Variants in COX7B2 observed in about 807,000 individuals in gnomAD.
COX7B2 encodes cytochrome c oxidase subunit 7B2, mitochondrial.
For missense variants in COX7B2, 109 were observed against 95.9 expected, an observed-to-expected ratio of 1.14 and a Z score of -0.57; for synonymous variants, 37 against 32.1, an observed-to-expected ratio of 1.15 and a Z score of -0.51.
chr4:46,847,934 G>T (rs1007899179), intron 1 of COX7B2, among the ~76,000 whole-genome samples: 1 of 151,974 alleles, frequency 6.6e-6, no homozygotes, highest in Non-Finnish European at 1.5e-5. Context: ...AGCAGAAGGT[G>T]GTAAGAGGCA....
chr4:46,897,218 GCT>G (rs201920947), intron 1 of COX7B2, among the ~76,000 whole-genome samples: 1,834 of 152,154 alleles, frequency 0.012, 35 homozygotes, highest in African/African-American at 0.042. Context: ...CAGGCCACAG[GCT>G]CTGTCATGAA....
chr4:46,843,740 T>C (rs1227261302), intron 2 of COX7B2, among the ~76,000 whole-genome samples: 1 of 151,974 alleles, frequency 6.6e-6, no homozygotes, highest in Non-Finnish European at 1.5e-5. Flanking sequence ...GATAATATAG[T>C]CTGAAGAAGA....
chr4:46,854,822 G>A (rs879458322), intron 1 of COX7B2, among the ~76,000 whole-genome samples: 1 of 151,988 alleles, frequency 6.6e-6, no homozygotes, highest in Non-Finnish European at 1.5e-5. Flanking sequence ...AAAAATTAAT[G>A]ACTTGAAAAG....
Position 46,870,328 on chromosome 4 carries a change from A to AG in COX7B2, c.-104-25315_-104-25314insC, listed in dbSNP as rs200107695. On this transcript the variant is annotated intron_variant, in intron 1 of 2. Transcript: ENST00000355591. Reference sequence around the variant, plus strand: ...CTCAACAAACTAGATATTGAAAAAAAAAATAACTCAAAATAAGGAGGCATC... The same window carrying AG: ...CTCAACAAACTAGATATTGAAAAAAAGAAATAACTCAAAATAAGGAGGCATC... Among the ~76,000 whole-genome samples the AG allele has an allele frequency of 9.6e-3, 1,186 of 124,052 alleles. 18 individuals carry two copies. The highest frequency in any genetic ancestry group is 0.032 in the African/African-American group (1,141 of 35,464). The allele number at this position is 124,052 out of a possible 152,430, so 81.4% of individuals were successfully genotyped here.
chr4:46,908,563 C>T (rs1720544619), intron 1 of COX7B2, among the ~76,000 whole-genome samples: 1 of 152,170 alleles, frequency 6.6e-6, no homozygotes, highest in Non-Finnish European at 1.5e-5. Context: ...ACACTTCCCA[C>T]TTTAGCCATG....
chr4:46,855,848 T>TG (rs1446957098), intron 1 of COX7B2, among the ~76,000 whole-genome samples: 3 of 152,142 alleles, frequency 2.0e-5, no homozygotes, highest in Non-Finnish European at 4.4e-5. Flanking sequence ...CTCTGGGTCT[T>TG]GGGGTGACAA....
chr4:46,849,204 C>G (rs923908901), intron 1 of COX7B2, among the ~76,000 whole-genome samples: 6 of 152,002 alleles, frequency 3.9e-5, no homozygotes, highest in Non-Finnish European at 8.8e-5. Context: ...AACTCTGCCC[C>G]TTGCGCCATC....
chr4:46,892,244 C>A (rs1272294134), intron 1 of COX7B2, among the ~76,000 whole-genome samples: 1 of 152,114 alleles, frequency 6.6e-6, no homozygotes, highest in East Asian at 1.9e-4. Context: ...AAAAGAAAAG[C>A]AATATTACAC....
intron 1 of COX7B2, among the ~76,000 whole-genome samples, chr4:46,881,334 A>G (rs1718727305): frequency 6.6e-6 from 1 of 152,218 alleles, no homozygotes; most frequent in South Asian, 2.1e-4. Context: ...GAAGACTCAA[A>G]CCAGGGAGGG....
chr4:46,822,349 C>A (rs1159176495), intron 2 of COX7B2, among the ~76,000 whole-genome samples: 1 of 150,364 alleles, frequency 6.7e-6, no homozygotes, highest in African/African-American at 2.4e-5. Context: ...CTCCAGAATA[C>A]AAAATAAACT....
At chr4:46,766,242 A>G (rs1716526527) in intron 2 of COX7B2, among the ~76,000 whole-genome samples, 1 of 152,252 alleles carries the variant, frequency 6.6e-6, no homozygotes, top group Non-Finnish European at 1.5e-5. Context: ...AAAATTCAGA[A>G]TATTCTTTTA....
At chr4:46,858,072 T>C (rs1717106548) in intron 1 of COX7B2, among the ~76,000 whole-genome samples, 1 of 152,056 alleles carries the variant, frequency 6.6e-6, no homozygotes, top group Non-Finnish European at 1.5e-5. Context: ...TCCACCCCAA[T>C]ATATACTGAA....
intron 1 of COX7B2, among the ~76,000 whole-genome samples, chr4:46,892,970 C>T (rs1251700593): frequency 6.6e-6 from 1 of 152,164 alleles, no homozygotes; most frequent in Non-Finnish European, 1.5e-5. Flanking sequence ...TCATTCTTCC[C>T]TCTCCTGCTG....
At chr4:46,771,923 C>T (rs1261479023) in intron 2 of COX7B2, among the ~76,000 whole-genome samples, 1 of 152,192 alleles carries the variant, frequency 6.6e-6, no homozygotes, top group East Asian at 1.9e-4. Context: ...CATGTTGGTG[C>T]TCAAAAAGTT....
chr4:46,814,165 T>TACCC (rs774954672), intron 2 of COX7B2, among the ~76,000 whole-genome samples: 385 of 152,338 alleles, frequency 2.5e-3, no homozygotes, highest in Non-Finnish European at 4.2e-3. Context: ...TTACTGGGTA[T>TACCC]TTATCCAAAG....
At chr4:46,818,647 A>AAAG (rs1553889043) in intron 2 of COX7B2, among the ~76,000 whole-genome samples, 1 of 152,058 alleles carries the variant, frequency 6.6e-6, no homozygotes, top group African/African-American at 2.4e-5. Flanking sequence ...AAAAAAAAAA[A>AAAG]AAAGAAAGAA....
At chr4:46,739,697 G>T (rs938844438) in intron 2 of COX7B2, among the ~76,000 whole-genome samples, 4 of 151,980 alleles carry the variant, frequency 2.6e-5, no homozygotes, top group African/African-American at 7.2e-5. Flanking sequence ...TTGTTGGTGG[G>T]GAGGAATACA....
intron 1 of COX7B2, among the ~76,000 whole-genome samples, chr4:46,873,811 C>T (rs1259293425): frequency 6.6e-6 from 1 of 152,054 alleles, no homozygotes; most frequent in African/African-American, 2.4e-5. Context: ...CTAATGCTAT[C>T]CCTCCCCCTT....
intron 1 of COX7B2, among the ~76,000 whole-genome samples, chr4:46,869,545 C>A (rs760643430): frequency 3.3e-5 from 5 of 152,074 alleles, no homozygotes; most frequent in Non-Finnish European, 7.4e-5. Flanking sequence ...CTTTCAAGTT[C>A]TCTTGTAAGA....
Sources: gnomAD v4.1 joint callset for allele counts (sites outside exome capture counted in the v4.1 genomes callset) on GRCh38, gnomAD v4.1.1 for gene constraint, MANE v1.5 for transcripts, NCBI Gene and HGNC (gene_info 2026-07-23, HGNC 2026-07-21) for gene names.